The following ARFGEF3 variants were observed in gnomAD, a reference collection of about 807,000 sequenced individuals.
The protein encoded by ARFGEF3 is ARFGEF family member 3, also known as brefeldin A-inhibited guanine nucleotide-exchange protein 3.
ARFGEF3 carries 96 observed loss-of-function variants against 221.7 expected under a neutral mutation model. The observed-to-expected ratio is 0.43, with a 90% CI of 0.37 to 0.51. The LOEUF (loss-of-function observed/expected upper bound fraction) is 0.51, where lower values mean the gene tolerates loss of function less well. Among genes scored for constraint, ARFGEF3 ranks in the 20% least tolerant of loss-of-function variants. The pLI is 0.00. For missense variants in ARFGEF3, 2,410 were observed against 2,789.9 expected, an observed-to-expected ratio of 0.86 and a Z score of 3.07; for synonymous variants, 1,145 against 1,126.8, an observed-to-expected ratio of 1.02 and a Z score of -0.32.
chr6:138,327,956 T>G (rs1780156019), intron 31 of ARFGEF3, 65 bp from the exon 32 acceptor site: 4 of 1,386,502 alleles, frequency 2.9e-6, no homozygotes, highest in Non-Finnish European at 3.9e-6. Flanking sequence ...GTCATCCAGC[T>G]GATCCCTGAC....
chr6:138,258,340 GC>G (rs1778723347), intron 10 of ARFGEF3, among the ~76,000 whole-genome samples: 1 of 152,190 alleles, frequency 6.6e-6, no homozygotes, highest in African/African-American at 2.4e-5. Flanking sequence ...CTTCACATTA[GC>G]TTATTTACAA....
rs758164625 is a variant in ARFGEF3, at chr6:138,291,933, C to G, written c.3248C>G (p.Ser1083Cys). The change falls in exon 19 of 34, where the codon TCC becomes TGC. Residue 1083 changes from serine to cysteine, a missense_variant. Ser to Cys is a moderately radical substitution (Grantham distance 112, BLOSUM62 -1). Around this residue, in one of 5 missense-constraint regions of ARFGEF3, gnomAD observed 184 missense variants for 141.8 expected, o/e 1.30. Transcript: ENST00000251691. This position sits in a 1 kb window ranked among gnomAD's most constrained non-coding sequence, Gnocchi z 4.5. ...ACGGCCCCTGTCGTCCAGCCCCTGT[C>G]CATCCAGGACCTCGTCCGGGAAGGC... ...LSTAPVVQPL[S>C]IQDLVREGSR... 2.7e-6 allele frequency: 4 copies of G among 1,508,104 alleles called. No individual in the cohort carries two copies. The Admixed American group carries it at 8.8e-5, about 33-fold the overall frequency. The allele number at this position is 1,508,104 out of a possible 1,614,324, so 93.4% of individuals were successfully genotyped here. A position where few individuals can be genotyped will look rare whatever the true frequency, so the allele number is the denominator to read the frequency against.
intron 2 of ARFGEF3, among the ~76,000 whole-genome samples, chr6:138,174,759 TTGCTC>T (rs1176655667): frequency 7.2e-5 from 11 of 152,174 alleles, no homozygotes; most frequent in Non-Finnish European, 1.6e-4. Flanking sequence ...TTGAATACCT[TTGCTC>T]TGCTTTTTCC....
intron 1 of ARFGEF3, among the ~76,000 whole-genome samples, chr6:138,167,875 T>C (rs937088488): frequency 6.6e-6 from 1 of 152,172 alleles, no homozygotes; most frequent in Non-Finnish European, 1.5e-5. Context: ...GTCCTTGGTG[T>C]GTTCTGTCCA....
rs1458013235 is a variant in ARFGEF3, at chr6:138,278,456, A to G, written c.2134A>G (p.Met712Val). 6.2e-7 allele frequency: 1 copy of G among 1,613,678 alleles called. No individual in the cohort carries two copies. Among genetic ancestry groups the G allele is most frequent in the African/African-American group, 1.3e-5 (1 of 74,912 alleles). ...NFASTFCSGMMHSPGFDGNSS... is the reference protein window; with the variant it reads ...NFASTFCSGMVHSPGFDGNSS... ...CCCTTCATTGTCTCCCTTAGGCATG[A>G]TGCACTCTCCTGGCTTTGACGGGAA... is the stretch of plus-strand genomic sequence containing the variant. The change falls in exon 13 of 34, where the codon ATG (methionine) becomes GTG (valine). Residue 712 changes from methionine (M) to valine (V), a missense_variant. Around this residue, in one of 5 missense-constraint regions of ARFGEF3, gnomAD observed 594 missense variants for 734.3 expected, o/e 0.81. Coordinates refer to ENST00000251691, the MANE Select transcript of ARFGEF3 (RefSeq NM_020340.5).
At chr6:138,256,320 T>C (rs1220628618) in intron 10 of ARFGEF3, among the ~76,000 whole-genome samples, 1 of 152,156 alleles carries the variant, frequency 6.6e-6, no homozygotes, top group Non-Finnish European at 1.5e-5. Flanking sequence ...GAGGCAGAAT[T>C]AGGGTTATTC....
Position 138,278,490 on chromosome 6 carries a change from T to C in ARFGEF3, c.2168T>C (p.Leu723Pro). The C allele has an allele frequency of 2.5e-6, 4 of 1,613,998 alleles. No homozygotes were observed. The highest frequency in any genetic ancestry group is 3.4e-6 in the Non-Finnish European group (4 of 1,179,888). ...CCTGGCTTTGACGGGAATAGCAGCC[T>C]CAGCTTCCAGATGCTGATGAACGCA... is the stretch of plus-strand genomic sequence containing the variant. ...HSPGFDGNSS[L>P]SFQMLMNADS... The change falls in exon 13 of 34, where the codon CTC becomes CCC. Residue 723 changes from leucine to proline, a missense_variant. Physicochemically the swap from Leu to Pro is moderately conservative, Grantham distance 98. Coordinates refer to ENST00000251691, the MANE Select transcript of ARFGEF3 (RefSeq NM_020340.5).
At chr6:138,333,788 T>G (rs1016206506) in intron 32 of ARFGEF3, among the ~76,000 whole-genome samples, 182 bp from the exon 33 acceptor site, 2 of 152,148 alleles carry the variant, frequency 1.3e-5, no homozygotes, top group Non-Finnish European at 2.9e-5. Flanking sequence ...CTAGTTGTGA[T>G]TAAAATGGTT....
At chr6:138,250,410 C>T (rs1009346271) in intron 8 of ARFGEF3, among the ~76,000 whole-genome samples, 2 of 152,240 alleles carry the variant, frequency 1.3e-5, no homozygotes, top group South Asian at 4.1e-4. Flanking sequence ...CCCTGCTTCT[C>T]TCTCCTCCTA....
chr6:138,299,004 C>T (rs561402341), intron 22 of ARFGEF3, among the ~76,000 whole-genome samples: 34 of 152,098 alleles, frequency 2.2e-4, no homozygotes, highest in Admixed American at 1.8e-3. Flanking sequence ...TCAAGGCCAG[C>T]CTGACCAACA....
intron 14 of ARFGEF3, among the ~76,000 whole-genome samples, chr6:138,282,180 C>G (rs867985432): frequency 2.6e-5 from 4 of 152,186 alleles, no homozygotes; most frequent in Admixed American, 1.3e-4. Context: ...GCCTTGAACT[C>G]CTGACCTCAG....
chr6:138,249,906 T>C (rs921945468), intron 8 of ARFGEF3, among the ~76,000 whole-genome samples: 1 of 152,208 alleles, frequency 6.6e-6, no homozygotes, highest in African/African-American at 2.4e-5. Flanking sequence ...TTAGCATAGC[T>C]GTAAGGGAAG....
chr6:138,255,055 T>A (rs1176005494), intron 9 of ARFGEF3, among the ~76,000 whole-genome samples: 1 of 152,208 alleles, frequency 6.6e-6, no homozygotes, highest in Non-Finnish European at 1.5e-5. Context: ...CCTGGGCTTA[T>A]CGACAGGAAG....
chr6:138,190,681 G>A (rs781715118), intron 2 of ARFGEF3, among the ~76,000 whole-genome samples: 2 of 152,184 alleles, frequency 1.3e-5, no homozygotes, highest in African/African-American at 2.4e-5. Flanking sequence ...AGCTGAGTGT[G>A]CGATTCGAAC....
intron 8 of ARFGEF3, among the ~76,000 whole-genome samples, chr6:138,248,359 C>T (rs1283376213): frequency 2.6e-5 from 4 of 152,084 alleles, no homozygotes; most frequent in African/African-American, 4.8e-5. Flanking sequence ...GTACTTCCAG[C>T]TGTCGGGGGT....
intron 6 of ARFGEF3, among the ~76,000 whole-genome samples, chr6:138,242,208 C>T (rs78834174): frequency 0.013 from 1,963 of 152,306 alleles, 44 homozygotes; most frequent in African/African-American, 0.044. Context: ...AAAATACTTC[C>T]GGATTATCTC....
intron 26 of ARFGEF3, 62 bp downstream of exon 26, chr6:138,314,001 G>A: frequency 1.3e-6 from 2 of 1,550,594 alleles, no homozygotes; most frequent in Non-Finnish European, 1.8e-6. Flanking sequence ...AGAAGCTTAA[G>A]TCATAAATGA....
At chr6:138,264,819 G>GATA (rs1778856690) in intron 12 of ARFGEF3, among the ~76,000 whole-genome samples, 1 of 151,840 alleles carries the variant, frequency 6.6e-6, no homozygotes, top group Non-Finnish European at 1.5e-5. Context: ...TCTTTAAGAA[G>GATA]CTGACCAAAT....
At position 138,337,779 on chromosome 6, in the gene ARFGEF3, C is replaced by T. The variant is rs1780356853; in HGVS notation, c.*1293C>T. 1 of 152,144 alleles carries T rather than the reference C, an allele frequency of 6.6e-6. No homozygotes were observed. Among genetic ancestry groups the T allele is most frequent in the African/African-American group, 2.4e-5 (1 of 41,424 alleles). The allele number at this position is 152,144 out of a possible 1,614,324, so 9.4% of individuals were successfully genotyped here. On this transcript the variant is annotated 3_prime_UTR_variant, in exon 34 of 34. Coordinates refer to ENST00000251691, the MANE Select transcript of ARFGEF3 (RefSeq NM_020340.5). ...TTTGAAAGCTTTATCTTATTATTTA[C>T]AGTATTTTTATATTTCTTACATTAT...
Sources: allele counts gnomAD v4.1 joint callset (sites outside exome capture counted in the v4.1 genomes callset), GRCh38; gene constraint gnomAD v4.1.1; regional missense constraint gnomAD v4.1.1; non-coding constraint Gnocchi (gnomAD v3.1); transcripts MANE v1.5; gene names NCBI Gene and HGNC (gene_info 2026-07-23, HGNC 2026-07-21).